The following TFEC variants were observed in gnomAD, a reference collection of about 807,000 sequenced individuals.
TFEC encodes class E basic helix-loop-helix protein 34.
Under a neutral mutation model 41.6 loss-of-function variants are expected in TFEC, and 31 were observed. That is an observed-to-expected ratio of 0.74 (90% CI 0.56 to 1.01). TFEC has a LOEUF of 1.01. TFEC is among the 50% of genes least tolerant of loss of function. The pLI is 0.00. For missense variants in TFEC, 402 were observed against 404.1 expected, an observed-to-expected ratio of 0.99 and a Z score of 0.04; for synonymous variants, 143 against 140.6, an observed-to-expected ratio of 1.02 and a Z score of -0.12.
chr7:116,077,935 A>G (rs568344498), intron 3 of TFEC, among the ~76,000 whole-genome samples: 189 of 152,260 alleles, frequency 1.2e-3, no homozygotes, highest in African/African-American at 4.4e-3. Context: ...GACTTAACAG[A>G]TATTTGCACA....
intron 3 of TFEC, among the ~76,000 whole-genome samples, chr7:116,036,126 C>T (rs1453973338): frequency 6.6e-6 from 1 of 151,866 alleles, no homozygotes; most frequent in African/African-American, 2.4e-5. Context: ...GATTATTTTG[C>T]CTCATTTGTC....
intron 1 of TFEC, among the ~76,000 whole-genome samples, chr7:116,118,323 C>T (rs947239767): frequency 4.0e-5 from 6 of 151,844 alleles, no homozygotes; most frequent in Middle Eastern, 3.2e-3. Context: ...CAAATAAGTT[C>T]GGACCTGCAA....
chr7:115,987,068 A>C (rs1421459683), intron 1 of TFEC, among the ~76,000 whole-genome samples: 3 of 152,308 alleles, frequency 2.0e-5, no homozygotes, highest in African/African-American at 7.2e-5. Flanking sequence ...AGGCCACTCT[A>C]TACAGAGTCA....
chr7:116,127,477 C>T (rs531718015), intron 1 of TFEC, among the ~76,000 whole-genome samples: 1 of 152,240 alleles, frequency 6.6e-6, no homozygotes, highest in East Asian at 1.9e-4. Flanking sequence ...TATGTTTGCA[C>T]TTACTTCCAT....
chr7:116,109,590 G>A (rs1480254689), intron 3 of TFEC, among the ~76,000 whole-genome samples: 2 of 152,208 alleles, frequency 1.3e-5, no homozygotes, highest in Non-Finnish European at 2.9e-5. Flanking sequence ...TGCTGGAGAG[G>A]ATGTGGAGAA....
chr7:115,955,458 C>A (rs1562887599), intron 4 of TFEC, among the ~76,000 whole-genome samples: 1 of 152,054 alleles, frequency 6.6e-6, no homozygotes, highest in South Asian at 2.1e-4. Flanking sequence ...GGGACAAAGA[C>A]CACTTGCCAA....
intron 1 of TFEC, among the ~76,000 whole-genome samples, chr7:116,027,003 T>C (rs932007867): frequency 2.0e-5 from 3 of 152,126 alleles, no homozygotes; most frequent in African/African-American, 7.2e-5. Context: ...ATTTAAAGGC[T>C]GGGGGTGAAA....
rs191905628 is a variant in TFEC, at chr7:116,035,964, A to G, written c.199-51451T>C. ...CTACTTTGTAATCCACACAGTGGAG[A>G]AAAAAAATCACTAAATACAAATTTT... On this transcript the variant is annotated intron_variant, in intron 3 of 8. Transcript: ENST00000484212. 1.7e-3 allele frequency among the ~76,000 whole-genome samples: 263 copies of G among 152,092 alleles called. 1 individual carries two copies. The highest frequency in any genetic ancestry group is 6.0e-3 in the African/African-American group (251 of 41,524).
At chr7:116,055,563 A>T (rs981689583) in intron 3 of TFEC, among the ~76,000 whole-genome samples, 1 of 152,152 alleles carries the variant, frequency 6.6e-6, no homozygotes, top group Admixed American at 6.5e-5. Context: ...TGATATAGGA[A>T]ATATACATGG....
chr7:116,080,987 G>A (rs1391631576), intron 3 of TFEC, among the ~76,000 whole-genome samples: 10 of 143,144 alleles, frequency 7.0e-5, no homozygotes, highest in East Asian at 3.9e-4. Context: ...GTGTGTGTGT[G>A]TGTGTGTGTG....
chr7:116,006,794 A>G (rs974964975), intron 1 of TFEC, among the ~76,000 whole-genome samples: 37 of 152,114 alleles, frequency 2.4e-4, no homozygotes, highest in African/African-American at 8.4e-4. Context: ...TTGAATTCCC[A>G]CATGTTGTGG....
rs560571810 is a variant in TFEC, at chr7:115,971,508, GA to G, written c.267+2661del. Among the ~76,000 whole-genome samples, 85 of 150,954 alleles carry G rather than the reference GA, an allele frequency of 5.6e-4. 1 individual carries two copies. The highest frequency in any genetic ancestry group is 6.8e-3 in the Middle Eastern group (2 of 294). The stretch of plus-strand genomic sequence containing the variant: ...CCTCACTTTATCTACCTTTTGGGGG[GA>G]AAAAAAAGGCTACAGAAGCCCCATA... On this transcript the variant is annotated intron_variant, in intron 3 of 7. Transcript: ENST00000265440.
At chr7:116,086,623 C>A (rs1375924278) in intron 3 of TFEC, among the ~76,000 whole-genome samples, 1 of 151,578 alleles carries the variant, frequency 6.6e-6, no homozygotes, top group Non-Finnish European at 1.5e-5. Context: ...ACATTTACCC[C>A]CACTGAATTG....
rs1429646166 is a variant in TFEC, at chr7:115,984,483, G to A, written c.-42C>T. 6.2e-7 allele frequency: 1 copy of A among 1,613,978 alleles called. No individual in the cohort carries two copies. Among genetic ancestry groups the A allele is most frequent in the Admixed American group, 1.7e-5 (1 of 59,982 alleles). ...TGTCTCTGGGCTTTCTGTAGCTGAG[G>A]CCTTGCAGAACTTTCCAGGTGTGCT... is the stretch of plus-strand genomic sequence containing the variant. On this transcript the variant is annotated 5_prime_UTR_variant, in exon 2 of 8. Transcript: ENST00000265440.
At chr7:116,072,501 T>C (rs1315851589) in intron 3 of TFEC, among the ~76,000 whole-genome samples, 1 of 151,698 alleles carries the variant, frequency 6.6e-6, no homozygotes, top group African/African-American at 2.4e-5. Context: ...TGAAAGCAGA[T>C]ATTTATATCA....
chr7:115,954,840 G>A (rs576220866), intron 4 of TFEC, among the ~76,000 whole-genome samples, 198 bp from the exon 5 acceptor site: 288 of 152,026 alleles, frequency 1.9e-3, no homozygotes, highest in Middle Eastern at 3.4e-3. Context: ...TTTAGGCTCT[G>A]GGATAATAAA....
At chr7:116,082,825 C>A (rs1320340389) in intron 3 of TFEC, among the ~76,000 whole-genome samples, 1 of 151,834 alleles carries the variant, frequency 6.6e-6, no homozygotes, top group Non-Finnish European at 1.5e-5. Flanking sequence ...GTCTCATCAG[C>A]CACACTGTTT....
At chr7:115,947,325 G>T (rs1562879932) in intron 6 of TFEC, among the ~76,000 whole-genome samples, 1 of 151,468 alleles carries the variant, frequency 6.6e-6, no homozygotes, top group Non-Finnish European at 1.5e-5. Flanking sequence ...ATCATTGCTG[G>T]ACATTTGGGT....
intron 1 of TFEC, among the ~76,000 whole-genome samples, chr7:115,995,869 C>T (rs771535687): frequency 4.6e-5 from 7 of 152,286 alleles, no homozygotes; most frequent in Non-Finnish European, 1.0e-4. Context: ...AGCTGGCACC[C>T]GCAGAGGGAG....
Sources: allele counts gnomAD v4.1 joint callset (sites outside exome capture counted in the v4.1 genomes callset), GRCh38; gene constraint gnomAD v4.1.1; transcripts MANE v1.5; gene names NCBI Gene and HGNC (gene_info 2026-07-23, HGNC 2026-07-21).